The following LTAP1 variants were observed in gnomAD, a reference collection of about 807,000 sequenced individuals.
The protein encoded by LTAP1 is lipid transport auxiliary protein 1.
chr1:154,214,483 A>G, the LTAP1 span: 4 of 1,613,472 alleles, frequency 2.5e-6, no homozygotes, highest in Non-Finnish European at 3.4e-6. Flanking sequence ...TTCCAGTTGT[A>G]GTAGTCTAGC....
chr1:154,216,283 C>T, the LTAP1 span, among the ~76,000 whole-genome samples: 40 of 152,108 alleles, frequency 2.6e-4, no homozygotes, highest in South Asian at 7.9e-3. Context: ...TGGTTTTCAA[C>T]TTGATACAAA....
chr1:154,210,191 A>G, the LTAP1 span, among the ~76,000 whole-genome samples: 1 of 151,988 alleles, frequency 6.6e-6, no homozygotes, highest in African/African-American at 2.4e-5. Context: ...GGCATGTGCC[A>G]CCACACCAGG....
the LTAP1 span, chr1:154,207,675 G>T: frequency 5.1e-6 from 8 of 1,555,470 alleles, no homozygotes; most frequent in Non-Finnish European, 7.0e-6. Context: ...GGAGGTCATT[G>T]ACAGAATGAG....
the LTAP1 span, among the ~76,000 whole-genome samples, chr1:154,218,732 C>T: frequency 6.6e-6 from 1 of 151,776 alleles, no homozygotes; most frequent in Non-Finnish European, 1.5e-5. Context: ...TAGGTCCTGG[C>T]TTTATAGTCG....
chr1:154,219,929 T>G, the LTAP1 span: 1 of 1,601,298 alleles, frequency 6.2e-7, no homozygotes, highest in South Asian at 1.1e-5. Flanking sequence ...TAAATAGCAG[T>G]ACAAACACCT....
At chr1:154,220,047 G>A in the LTAP1 span, 4 of 1,025,562 alleles carry the variant, frequency 3.9e-6, no homozygotes, top group Non-Finnish European at 5.7e-6. Context: ...TCTCAGGAAT[G>A]TTTCAGGGTA....
chr1:154,210,667 T>C, the LTAP1 span, among the ~76,000 whole-genome samples: 28 of 152,064 alleles, frequency 1.8e-4, no homozygotes, highest in East Asian at 5.1e-3. Flanking sequence ...TTTGTAGAGA[T>C]GGGGTTTCAC....
chr1:154,214,330 C>T, the LTAP1 span: 2 of 696,694 alleles, frequency 2.9e-6, no homozygotes, highest in Admixed American at 4.7e-5. Context: ...ATGGGCTCTG[C>T]ATCTAACATA....
the LTAP1 span, among the ~76,000 whole-genome samples, chr1:154,219,601 C>G: frequency 2.6e-5 from 4 of 152,228 alleles, no homozygotes; most frequent in East Asian, 7.7e-4. Flanking sequence ...GACCCAAGCC[C>G]TTCATTCTGC....
the LTAP1 span, chr1:154,207,458 G>C: frequency 1.2e-6 from 2 of 1,613,930 alleles, no homozygotes; most frequent in South Asian, 1.1e-5. Context: ...CTCCGTCACA[G>C]AGTACTCTCC....
the LTAP1 span, chr1:154,212,790 T>G: frequency 1.5e-6 from 1 of 664,510 alleles, no homozygotes; most frequent in Admixed American, 2.8e-5. Flanking sequence ...GCCTCCTGAT[T>G]AGCTGGGATT....
the LTAP1 span, among the ~76,000 whole-genome samples, chr1:154,218,681 G>GT: frequency 3.9e-4 from 59 of 152,188 alleles, no homozygotes; most frequent in Admixed American, 3.9e-3. Context: ...GCACTAACCT[G>GT]TTTTTCATTC....
At chr1:154,212,014 G>A in the LTAP1 span, 3 of 296,626 alleles carry the variant, frequency 1.0e-5, no homozygotes, top group Admixed American at 4.3e-5. Context: ...GCGCCACCAC[G>A]CCCGGCTAAT....
At chr1:154,219,467 G>A in the LTAP1 span, among the ~76,000 whole-genome samples, 3 of 152,148 alleles carry the variant, frequency 2.0e-5, no homozygotes, top group Non-Finnish European at 2.9e-5. Context: ...ATTATGTAAA[G>A]GTAACCCTTC....
At chr1:154,214,384 A>G in the LTAP1 span, 6 of 986,642 alleles carry the variant, frequency 6.1e-6, no homozygotes, top group Non-Finnish European at 9.6e-6. Context: ...GCAGCTTTTG[A>G]CAACTCTGAG....
At chr1:154,220,542 A>G in the LTAP1 span, 1 of 878,940 alleles carries the variant, frequency 1.1e-6, no homozygotes, top group Non-Finnish European at 1.8e-6. Flanking sequence ...AGACCAAGCC[A>G]GACCCGGCCT....
chr1:154,212,678 T>C, the LTAP1 span: 1 of 1,596,724 alleles, frequency 6.3e-7, no homozygotes, highest in Non-Finnish European at 8.6e-7. Flanking sequence ...TCTTTTTTTT[T>C]GAGATGGAGT....
the LTAP1 span, among the ~76,000 whole-genome samples, chr1:154,216,250 T>A: frequency 1.3e-5 from 2 of 152,104 alleles, no homozygotes; most frequent in Non-Finnish European, 2.9e-5. Flanking sequence ...CGTGTCACCC[T>A]AAAAAAGATG....
At chr1:154,215,608 CA>C in the LTAP1 span, among the ~76,000 whole-genome samples, 1 of 151,788 alleles carries the variant, frequency 6.6e-6, no homozygotes, top group Non-Finnish European at 1.5e-5. Context: ...CTCAGTTACC[CA>C]GCAGCAACTA....
Sources: gnomAD v4.1 joint callset for allele counts (sites outside exome capture counted in the v4.1 genomes callset) on GRCh38, gnomAD v4.1.1 for gene constraint, MANE v1.5 for transcripts, NCBI Gene and HGNC (gene_info 2026-07-23, HGNC 2026-07-21) for gene names.